ERC2: variants seen among roughly 807,000 people sequenced by gnomAD.
The protein encoded by ERC2 is ELKS/RAB6-interacting/CAST family member 2.
A neutral mutation model predicts 114.8 loss-of-function variants in ERC2; 42 were observed. The ratio of observed to expected loss-of-function variants is 0.37; its 90% CI spans 0.29 to 0.47. ERC2 has a LOEUF of 0.47. Ranked by LOEUF, ERC2 falls within the 20% of genes least tolerant of loss-of-function variation. The probability of loss-of-function intolerance (pLI) is 0.99; values close to 1 mark genes in which losing one functional copy is unlikely to be tolerated. For missense variants in ERC2, 939 were observed against 1,150.7 expected, an observed-to-expected ratio of 0.82 and a Z score of 2.66; for synonymous variants, 454 against 425.5, an observed-to-expected ratio of 1.07 and a Z score of -0.82.
chr3:55,646,223 C>T (rs971441051), intron 17 of ERC2, among the ~76,000 whole-genome samples: 4 of 152,112 alleles, frequency 2.6e-5, no homozygotes, highest in African/African-American at 7.2e-5. Flanking sequence ...AAGTAATTGC[C>T]CTGCAATTCT....
chr3:56,104,295 C>T (rs888268658), intron 6 of ERC2, among the ~76,000 whole-genome samples: 2 of 152,186 alleles, frequency 1.3e-5, no homozygotes, highest in African/African-American at 4.8e-5. Flanking sequence ...GTTTATTCAT[C>T]GCAACTCTCT....
At chr3:56,135,501 A>G (rs1382052376) in intron 6 of ERC2, among the ~76,000 whole-genome samples, 1 of 152,226 alleles carries the variant, frequency 6.6e-6, no homozygotes, top group Non-Finnish European at 1.5e-5. Flanking sequence ...TAAACATAAT[A>G]GTAGTAATGA....
intron 3 of ERC2, among the ~76,000 whole-genome samples, chr3:56,226,721 T>C (rs2050271220): frequency 1.3e-5 from 2 of 152,136 alleles, no homozygotes; most frequent in African/African-American, 2.4e-5. Context: ...AGAAAGAGCA[T>C]ATAAACACTC....
chr3:55,850,364 G>A (rs2061519365), intron 14 of ERC2, among the ~76,000 whole-genome samples: 1 of 152,200 alleles, frequency 6.6e-6, no homozygotes. Context: ...CTGGTTGAAA[G>A]TTCACTGTGT....
At chr3:55,695,481 A>G (rs1363214551) in intron 16 of ERC2, among the ~76,000 whole-genome samples, 1 of 152,114 alleles carries the variant, frequency 6.6e-6, no homozygotes, top group Non-Finnish European at 1.5e-5. Flanking sequence ...CTTCTCTTAC[A>G]TCTTCTCCAA....
chr3:56,266,089 A>ATAAAG (rs2053280252), intron 3 of ERC2, among the ~76,000 whole-genome samples: 1 of 147,766 alleles, frequency 6.8e-6, no homozygotes, highest in African/African-American at 2.5e-5. Flanking sequence ...ATAAAATAAA[A>ATAAAG]TTCAACAGAA....
intron 7 of ERC2, among the ~76,000 whole-genome samples, chr3:56,024,113 T>C (rs551403034): frequency 4.6e-5 from 7 of 152,302 alleles, no homozygotes; most frequent in African/African-American, 1.7e-4. Context: ...AGAGTATCAG[T>C]TAATGTTATT....
intron 2 of ERC2, among the ~76,000 whole-genome samples, chr3:56,360,061 C>CTTTTTTTTTTTTTTTTTTTTT (rs5849149): frequency 1.0e-5 from 1 of 99,168 alleles, no homozygotes; most frequent in Non-Finnish European, 1.9e-5. Context: ...TAACAAAAAT[C>CTTTTTTTTTTTTTTTTTTTTT]TTTTTTTTTT....
chr3:55,973,516 C>T (rs1021448478), intron 12 of ERC2, among the ~76,000 whole-genome samples: 1 of 152,188 alleles, frequency 6.6e-6, no homozygotes, highest in Non-Finnish European at 1.5e-5. Context: ...TTTATGATGC[C>T]ATGCAAGGGA....
intron 8 of ERC2, 82 bp downstream of exon 8, chr3:56,018,812 C>A: frequency 6.9e-7 from 1 of 1,455,540 alleles, no homozygotes; most frequent in Non-Finnish European, 9.4e-7. Context: ...GAAAAGCAGG[C>A]ACATTTAAAT....
intron 13 of ERC2, among the ~76,000 whole-genome samples, chr3:55,946,639 GA>G (rs1358923078): frequency 6.6e-6 from 1 of 151,986 alleles, no homozygotes; most frequent in Admixed American, 6.6e-5. Context: ...ATTTACAGAT[GA>G]AAAAAGTAAG....
intron 2 of ERC2, among the ~76,000 whole-genome samples, chr3:56,314,683 A>G (rs1248859061): frequency 6.6e-6 from 1 of 152,238 alleles, no homozygotes; most frequent in Non-Finnish European, 1.5e-5. Flanking sequence ...AAGCTGGTAC[A>G]TGCATTTTAA....
At chr3:55,837,908 G>A (rs780724107) in intron 14 of ERC2, among the ~76,000 whole-genome samples, 11 of 151,580 alleles carry the variant, frequency 7.3e-5, no homozygotes, top group Non-Finnish European at 1.5e-4. Flanking sequence ...GGGAAAAAAA[G>A]CTGCAGTGGC....
chr3:55,900,635 T>G lies in ERC2; in HGVS notation c.2404-12086A>C, dbSNP rs77437574. Among the ~76,000 whole-genome samples, 707 of 152,318 alleles carry G rather than the reference T, an allele frequency of 4.6e-3. 4 individuals carry two copies. Among genetic ancestry groups the G allele is most frequent in the African/African-American group, 0.016 (679 of 41,564 alleles). Reference sequence around the variant, plus strand: ...CTCCAAGCCTGATACCTCAGGATCCTTGCATCACAAGATCTACCTTGAACA... The same window carrying G: ...CTCCAAGCCTGATACCTCAGGATCCGTGCATCACAAGATCTACCTTGAACA... On this transcript the variant is annotated intron_variant, in intron 13 of 17. Coordinates refer to ENST00000288221, the MANE Select transcript of ERC2 (RefSeq NM_015576.3).
chr3:55,875,368 CAAGT>C (rs1260240364), intron 14 of ERC2, among the ~76,000 whole-genome samples: 4 of 152,186 alleles, frequency 2.6e-5, no homozygotes. Context: ...CAAATGTCTT[CAAGT>C]AAGTGAAGCA....
At position 55,915,171 on chromosome 3, in the gene ERC2, T is replaced by C. The variant is rs116549010; in HGVS notation, c.2404-26622A>G. 5.1e-3 allele frequency among the ~76,000 whole-genome samples: 779 copies of C among 152,278 alleles called. 6 individuals are homozygous for C. The highest frequency in any genetic ancestry group is 0.018 in the African/African-American group (744 of 41,562). On this transcript the variant is annotated intron_variant, in intron 13 of 17. Transcript: ENST00000288221. ...ATATTTGTCTCTACTTTACCAAGTA[T>C]ATAAACCCTATGCTGTTTAACATTA...
At chr3:56,167,456 G>A (rs2082380075) in intron 4 of ERC2, among the ~76,000 whole-genome samples, 2 of 152,022 alleles carry the variant, frequency 1.3e-5, no homozygotes, top group Non-Finnish European at 2.9e-5. Context: ...TGGGGGGAAA[G>A]GGAAATAATT....
At chr3:55,846,874 C>T (rs190225681) in intron 14 of ERC2, among the ~76,000 whole-genome samples, 1 of 152,278 alleles carries the variant, frequency 6.6e-6, no homozygotes, top group East Asian at 1.9e-4. Flanking sequence ...AAAGCTTGCA[C>T]AGTTTGTAGG....
chr3:55,713,397 G>T (rs2063898188), intron 15 of ERC2, among the ~76,000 whole-genome samples: 1 of 151,978 alleles, frequency 6.6e-6, no homozygotes, highest in South Asian at 2.1e-4. Context: ...TTTTAGTAGA[G>T]ATGGTGGGGG....
Sources: gnomAD v4.1 joint callset for allele counts (sites outside exome capture counted in the v4.1 genomes callset) on GRCh38, gnomAD v4.1.1 for gene constraint, MANE v1.5 for transcripts, NCBI Gene and HGNC (gene_info 2026-07-23, HGNC 2026-07-21) for gene names.